WIPF1: variants seen among roughly 807,000 people sequenced by gnomAD.
WIPF1 encodes the protein WAS/WASL interacting protein family member 1.
A neutral mutation model predicts 35.4 loss-of-function variants in WIPF1; 13 were observed. The observed-to-expected ratio is 0.37, with a 90% CI of 0.24 to 0.58. The LOEUF is 0.58. Among genes scored for constraint, WIPF1 ranks in the 20% least tolerant of loss-of-function variants. WIPF1 has a pLI of 0.74. For synonymous variants in WIPF1, 267 were observed against 266.3 expected, an observed-to-expected ratio of 1.00 and a Z score of -0.02; for missense variants, 591 against 667.0, an observed-to-expected ratio of 0.89 and a Z score of 1.25.
At chr2:174,659,987 C>A (rs1004069660) in intron 1 of WIPF1, among the ~76,000 whole-genome samples, 2 of 152,134 alleles carry the variant, frequency 1.3e-5, no homozygotes, top group African/African-American at 4.8e-5. Context: ...CTCACCAGTA[C>A]CTGGATGTGG....
At chr2:174,635,767 GT>G (rs1284424890) in intron 1 of WIPF1, among the ~76,000 whole-genome samples, 1 of 151,814 alleles carries the variant, frequency 6.6e-6, no homozygotes, top group Non-Finnish European at 1.5e-5. Flanking sequence ...TTTTTTGTTT[GT>G]TTTTTAGAAA....
chr2:174,633,765 C>T (rs1323644036), intron 1 of WIPF1, among the ~76,000 whole-genome samples: 1 of 152,172 alleles, frequency 6.6e-6, no homozygotes, highest in East Asian at 1.9e-4. Flanking sequence ...AGGCTGAAGA[C>T]ATAAAGCTCT....
At chr2:174,636,633 C>G (rs559999052) in intron 1 of WIPF1, among the ~76,000 whole-genome samples, 1 of 152,190 alleles carries the variant, frequency 6.6e-6, no homozygotes, top group Non-Finnish European at 1.5e-5. Context: ...TACATTTAGT[C>G]GTCGTGTTTC....
intron 1 of WIPF1, among the ~76,000 whole-genome samples, chr2:174,645,590 T>C (rs1346037556): frequency 6.6e-6 from 1 of 152,232 alleles, no homozygotes; most frequent in African/African-American, 2.4e-5. Flanking sequence ...CAGCAAATGC[T>C]GTTTCTGACC....
upstream of WIPF1, among the ~76,000 whole-genome samples, chr2:174,602,206 T>A (rs879791351): frequency 5.9e-5 from 9 of 152,160 alleles, no homozygotes; most frequent in Non-Finnish European, 8.8e-5. Context: ...ATCCTCCATA[T>A]TAATCTATAG....
At chr2:174,632,128 A>G (rs1288021011) in intron 1 of WIPF1, among the ~76,000 whole-genome samples, 1 of 152,182 alleles carries the variant, frequency 6.6e-6, no homozygotes, top group Non-Finnish European at 1.5e-5. Flanking sequence ...TCAACTTGGC[A>G]GTCATTCCTA....
At chr2:174,591,086 T>G (rs1685588684) in intron 1 of WIPF1, among the ~76,000 whole-genome samples, 1 of 152,136 alleles carries the variant, frequency 6.6e-6, no homozygotes, top group South Asian at 2.1e-4. Flanking sequence ...ACTGGTGTCC[T>G]CATACAAAGA....
At chr2:174,568,867 C>G (rs1166850758) in intron 5 of WIPF1, 3 of 152,008 alleles carry the variant, frequency 2.0e-5, no homozygotes, top group Admixed American at 2.0e-4. Flanking sequence ...GTACTTGAAA[C>G]CATTTTTTAA....
At chr2:174,565,819 C>A (rs1684641304) in intron 7 of WIPF1, among the ~76,000 whole-genome samples, 1 of 152,164 alleles carries the variant, frequency 6.6e-6, no homozygotes, top group Non-Finnish European at 1.5e-5. Flanking sequence ...CTGCCACGAA[C>A]CTCAGCCTCA....
Position 174,590,600 on chromosome 2 carries a change from C to G in WIPF1, c.-38-4989G>C, listed in dbSNP as rs1482685381. ...CGCAAGAAGGGAAGGGACTCAGCAG[C>G]AGTTTCCCAGTGTGGTCAGTCATCT... On this transcript the variant is annotated intron_variant, in intron 1 of 7. Transcript: ENST00000679041. The surrounding 1 kb of genome is among the most constrained non-coding windows in gnomAD (Gnocchi z 4.6). 6.6e-6 allele frequency among the ~76,000 whole-genome samples: 1 copy of G among 152,192 alleles called. No individual in the cohort carries two copies. Among genetic ancestry groups the G allele is most frequent in the Admixed American group, 6.5e-5 (1 of 15,280 alleles).
chr2:174,650,992 G>A (rs957875948), intron 1 of WIPF1, among the ~76,000 whole-genome samples: 11 of 152,230 alleles, frequency 7.2e-5, no homozygotes, highest in Admixed American at 2.0e-4. Context: ...ATTGGCTTTC[G>A]CATTGCTTGT....
chr2:174,653,526 G>A (rs1687577687), intron 1 of WIPF1, among the ~76,000 whole-genome samples: 1 of 151,854 alleles, frequency 6.6e-6, no homozygotes. Flanking sequence ...ATGAGGTCAG[G>A]AGATCGAGAC....
chr2:174,574,129 C>T (rs375525054), intron 4 of WIPF1, among the ~76,000 whole-genome samples: 1 of 152,008 alleles, frequency 6.6e-6, no homozygotes, highest in African/African-American at 2.4e-5. Context: ...TGGGCTTCAG[C>T]CATCTGCCTG....
At chr2:174,676,832 A>T (rs1464396141) in intron 1 of WIPF1, among the ~76,000 whole-genome samples, 1 of 152,206 alleles carries the variant, frequency 6.6e-6, no homozygotes, top group Admixed American at 6.5e-5. Flanking sequence ...TTTAATTTGG[A>T]ACACATAAAA....
intron 1 of WIPF1, among the ~76,000 whole-genome samples, chr2:174,646,750 A>T (rs1259975353): frequency 6.6e-6 from 1 of 152,000 alleles, no homozygotes; most frequent in Non-Finnish European, 1.5e-5. Flanking sequence ...AGTAGCTGGG[A>T]CCACAGGCAC....
At chr2:174,568,174 C>T (rs1053596413) in intron 5 of WIPF1, 101 bp from the exon 6 acceptor site, 1 of 1,318,334 alleles carries the variant, frequency 7.6e-7, no homozygotes, top group South Asian at 1.5e-5. Flanking sequence ...GGACACATGC[C>T]CTTTAATTAG....
intron 6 of WIPF1, 43 bp from the exon 7 acceptor site, chr2:174,567,226 G>T: frequency 6.4e-7 from 1 of 1,557,458 alleles, no homozygotes; most frequent in Non-Finnish European, 8.9e-7. Context: ...CAGACAATGT[G>T]CTATGAAGAC....
At chr2:174,640,832 C>T (rs560193788) in intron 1 of WIPF1, among the ~76,000 whole-genome samples, 8 of 151,768 alleles carry the variant, frequency 5.3e-5, no homozygotes, top group African/African-American at 1.9e-4. Context: ...GCCAACCTAC[C>T]CAAAGCAATC....
At chr2:174,661,900 G>A (rs1464770398) in intron 1 of WIPF1, among the ~76,000 whole-genome samples, 1 of 152,074 alleles carries the variant, frequency 6.6e-6, no homozygotes. Flanking sequence ...AAAGACCAGA[G>A]GCAGGAGTGC....
Sources: gnomAD v4.1 joint callset for allele counts (sites outside exome capture counted in the v4.1 genomes callset) on GRCh38, gnomAD v4.1.1 for gene constraint, Gnocchi (gnomAD v3.1) non-coding constraint, MANE v1.5 for transcripts, NCBI Gene and HGNC (gene_info 2026-07-23, HGNC 2026-07-21) for gene names.